RAB14: variants seen among roughly 807,000 people sequenced by gnomAD.
RAB14 encodes the protein RAB14, member RAS oncogene family.
In RAB14, 3 loss-of-function variants were observed where a neutral mutation model predicts 31.1. The observed-to-expected ratio is 0.10, with a 90% confidence interval of 0.04 to 0.25. The LOEUF (loss-of-function observed/expected upper bound fraction) is 0.25, where lower values mean the gene tolerates loss of function less well. Among genes scored for constraint, RAB14 ranks in the 10% least tolerant of loss-of-function variants. RAB14 has a pLI of 1.00. For synonymous variants in RAB14, 85 were observed against 84.9 expected, an observed-to-expected ratio of 1.00 and a Z score of 0.00; for missense variants, 111 against 260.1, an observed-to-expected ratio of 0.43 and a Z score of 3.94.
In RAB14 at chr9:121,199,357, A is replaced by T. The variant is rs564251259; in HGVS notation, c.-8+2282T>A. ...TTGTCTAGAATAAGAAGCTTTTTAA[A>T]AGTCAAGTACAGTACCTCTAATACT... On this transcript the variant is annotated intron_variant, in intron 1 of 7. Transcript: ENST00000373840. 1.3e-3 allele frequency among the ~76,000 whole-genome samples: 195 copies of T among 152,370 alleles called. 1 individual carries two copies. Among genetic ancestry groups the T allele is most frequent in the African/African-American group, 4.4e-3 (185 of 41,590 alleles).
chr9:121,185,721 T>G (rs1043136554), intron 5 of RAB14, among the ~76,000 whole-genome samples: 4 of 152,176 alleles, frequency 2.6e-5, no homozygotes, highest in Admixed American at 2.6e-4. Flanking sequence ...GCTCAACTGC[T>G]GCATATATAA....
chr9:121,184,145 T>C (rs2053647722), intron 5 of RAB14, among the ~76,000 whole-genome samples: 1 of 152,170 alleles, frequency 6.6e-6, no homozygotes, highest in African/African-American at 2.4e-5. Context: ...AGACAAATAC[T>C]ATCCTACCCC....
intron 1 of RAB14, among the ~76,000 whole-genome samples, chr9:121,193,706 A>T (rs1048355885): frequency 4.6e-5 from 7 of 151,842 alleles, no homozygotes; most frequent in African/African-American, 7.3e-5. Context: ...AGTATAATTT[A>T]AAAAAAATCC....
chr9:121,190,488 ATT>A (rs577410706), intron 4 of RAB14, 64 bp downstream of exon 4: 1 of 1,391,966 alleles, frequency 7.2e-7, no homozygotes, highest in Non-Finnish European at 9.6e-7. Flanking sequence ...ATGCCTATCA[ATT>A]TTTTTTTAAA....
intron 1 of RAB14, among the ~76,000 whole-genome samples, chr9:121,201,080 G>A (rs950872912): frequency 4.6e-5 from 7 of 152,034 alleles, no homozygotes; most frequent in African/African-American, 1.4e-4. Flanking sequence ...GCCCGGCCCG[G>A]CTGCAGGGCC....
intron 1 of RAB14, among the ~76,000 whole-genome samples, chr9:121,201,263 C>A (rs2053773362): frequency 6.6e-6 from 1 of 152,184 alleles, no homozygotes; most frequent in Admixed American, 6.5e-5. Context: ...CGGGGGCGGG[C>A]TGCGGCCGCG....
chr9:121,193,325 C>T, intron 2 of RAB14, 36 bp downstream of exon 2: 1 of 1,410,704 alleles, frequency 7.1e-7, no homozygotes, highest in Non-Finnish European at 9.9e-7. Context: ...TGTTAACCTT[C>T]TTTTGGGAAC....
chr9:121,182,804 A>G (rs922027374), intron 7 of RAB14, 126 bp downstream of exon 7: 8 of 555,488 alleles, frequency 1.4e-5, no homozygotes, highest in Admixed American at 4.1e-5. Flanking sequence ...TTCTTCCTGC[A>G]GTAAGCATTA....
chr9:121,201,102 A>C (rs2053769154), intron 1 of RAB14, among the ~76,000 whole-genome samples: 2 of 151,364 alleles, frequency 1.3e-5, no homozygotes, highest in Non-Finnish European at 3.0e-5. Context: ...GGCTCCCCAC[A>C]TCGACAAGGA....
At chr9:121,199,057 T>TA (rs2053734568) in intron 1 of RAB14, among the ~76,000 whole-genome samples, 1 of 152,186 alleles carries the variant, frequency 6.6e-6, no homozygotes, top group African/African-American at 2.4e-5. Flanking sequence ...GTCTTCTATA[T>TA]ACAGGAAATA....
At position 121,179,146 on chromosome 9, in the gene RAB14, C is replaced by T. The variant is rs1398635917; in HGVS notation, c.*2250G>A. On this transcript the variant is annotated 3_prime_UTR_variant, in exon 8 of 8. Coordinates refer to ENST00000373840, the MANE Select transcript of RAB14 (RefSeq NM_016322.4). Reference sequence around the variant, plus strand: ...CAAGAATAAAGCTGTGGGTCTATTACTTAGTGATGTGGTTTTATATGCTAC... The same window carrying T: ...CAAGAATAAAGCTGTGGGTCTATTATTTAGTGATGTGGTTTTATATGCTAC... 6.6e-6 allele frequency: 1 copy of T among 152,136 alleles called. No homozygotes were observed. The highest frequency in any genetic ancestry group is 1.5e-5 in the Non-Finnish European group (1 of 68,032). The allele number at this position is 152,136 out of a possible 1,614,324, so 9.4% of individuals were successfully genotyped here. A position where few individuals can be genotyped will look rare whatever the true frequency, so the allele number is the denominator to read the frequency against.
intron 1 of RAB14, among the ~76,000 whole-genome samples, chr9:121,194,638 AT>A (rs1314383287): frequency 6.6e-6 from 1 of 151,928 alleles, no homozygotes; most frequent in Non-Finnish European, 1.5e-5. Context: ...GACTTACAGT[AT>A]TTTTAAGCCT....
intron 5 of RAB14, among the ~76,000 whole-genome samples, 174 bp from the exon 6 acceptor site, chr9:121,183,572 A>C (rs2053644712): frequency 6.6e-6 from 1 of 152,220 alleles, no homozygotes; most frequent in Non-Finnish European, 1.5e-5. Flanking sequence ...TCATTACTAC[A>C]AAGGACCTTA....
At chr9:121,190,761 A>C (rs879140048) in intron 3 of RAB14, 30 bp from the exon 4 acceptor site, 1 of 1,602,882 alleles carries the variant, frequency 6.2e-7, no homozygotes, top group South Asian at 1.1e-5. Flanking sequence ...GTAATAGCCC[A>C]ATTTTCAGAA....
chr9:121,190,052 T>C (rs2053678555), intron 4 of RAB14, among the ~76,000 whole-genome samples: 1 of 152,132 alleles, frequency 6.6e-6, no homozygotes, highest in Non-Finnish European at 1.5e-5. Flanking sequence ...AAGTCATTTC[T>C]ATCCATTTTA....
At chr9:121,188,529 G>A (rs2053669941) in intron 4 of RAB14, among the ~76,000 whole-genome samples, 1 of 151,026 alleles carries the variant, frequency 6.6e-6, no homozygotes, top group African/African-American at 2.4e-5. Context: ...ATTAATTGGT[G>A]GTACTAGTAC....
At chr9:121,184,223 A>G (rs1247286097) in intron 5 of RAB14, among the ~76,000 whole-genome samples, 1 of 152,162 alleles carries the variant, frequency 6.6e-6, no homozygotes, top group Non-Finnish European at 1.5e-5. Flanking sequence ...ATGTGTATAC[A>G]CAAGGGGCAG....
chr9:121,180,018 C>T lies in RAB14; in HGVS notation c.*1378G>A, dbSNP rs180960794. 209 of 152,708 alleles carry T rather than the reference C, an allele frequency of 1.4e-3. 2 individuals are homozygous for T. Among genetic ancestry groups the T allele is most frequent in the African/African-American group, 4.6e-3 (192 of 41,554 alleles). 9.5% of individuals were successfully genotyped at this position (152,708 alleles called of 1,614,324 possible). A position where few individuals can be genotyped will look rare whatever the true frequency, so the allele number is the denominator to read the frequency against. ...AAATAAGATTGTTTCTCTTGCTATA[C>T]AGTATTAATTCAGTGGCCAAACCAC... is the stretch of plus-strand genomic sequence containing the variant. On this transcript the variant is annotated 3_prime_UTR_variant, in exon 8 of 8. Coordinates refer to ENST00000373840, the MANE Select transcript of RAB14 (RefSeq NM_016322.4).
chr9:121,189,529 AC>A (rs1424985430), intron 4 of RAB14, among the ~76,000 whole-genome samples: 1 of 152,128 alleles, frequency 6.6e-6, no homozygotes, highest in African/African-American at 2.4e-5. Context: ...TCTAGAATTT[AC>A]TGAAAACTTT....
Sources: allele counts gnomAD v4.1 joint callset (sites outside exome capture counted in the v4.1 genomes callset), GRCh38; gene constraint gnomAD v4.1.1; transcripts MANE v1.5; gene names NCBI Gene and HGNC (gene_info 2026-07-23, HGNC 2026-07-21).